Variants in RALYL observed in about 807,000 individuals in gnomAD.
RALYL encodes RALY RNA binding protein like.
RALYL carries 29 observed loss-of-function variants against 35.1 expected under a neutral mutation model. That is an observed-to-expected ratio of 0.83 (90% CI 0.61 to 1.13). RALYL has a LOEUF of 1.13. Ranked by LOEUF, RALYL falls within the 50% of genes most tolerant of loss-of-function variation. The pLI is 0.00. For synonymous variants in RALYL, 120 were observed against 127.6 expected (o/e 0.94, Z 0.40); for missense variants, 359 against 360.4 (o/e 1.00, Z 0.03).
intron 3 of RALYL, among the ~76,000 whole-genome samples, chr8:84,777,349 C>G (rs1395188492): frequency 6.6e-6 from 1 of 152,184 alleles, no homozygotes; most frequent in African/African-American, 2.4e-5. Flanking sequence ...AATACTATTA[C>G]TGTCCATGAA....
At chr8:84,903,615 C>T (rs866042101) in intron 8 of RALYL, among the ~76,000 whole-genome samples, 10 of 152,142 alleles carry the variant, frequency 6.6e-5, no homozygotes, top group African/African-American at 1.9e-4. Flanking sequence ...TAAGATGCTA[C>T]ATACTAATAT....
At chr8:84,903,310 T>A (rs7828485) in intron 8 of RALYL, among the ~76,000 whole-genome samples, 66,104 of 152,022 alleles carry the variant, frequency 0.43, 17,751 homozygotes, top group African/African-American at 0.74. Flanking sequence ...GATAAAACAG[T>A]TGATACATAA....
intron 4 of RALYL, among the ~76,000 whole-genome samples, chr8:84,845,346 T>C (rs1834410908): frequency 6.6e-6 from 1 of 152,128 alleles, no homozygotes; most frequent in South Asian, 2.1e-4. Context: ...CCTCTACATC[T>C]GTTGTTTTTT....
chr8:84,607,572 T>C (rs1817413277), intron 2 of RALYL, among the ~76,000 whole-genome samples: 1 of 152,118 alleles, frequency 6.6e-6, no homozygotes, highest in African/African-American at 2.4e-5. Flanking sequence ...GAATCCCCAA[T>C]CAGTGTCTTG....
chr8:84,415,160 G>GTTTTT (rs755615169), intron 1 of RALYL, among the ~76,000 whole-genome samples: 1 of 83,052 alleles, frequency 1.2e-5, no homozygotes, highest in Non-Finnish European at 2.4e-5. Context: ...TTCTGCCTCT[G>GTTTTT]TTTTTTTTTT....
At chr8:84,782,287 C>T (rs1375349536) in intron 3 of RALYL, among the ~76,000 whole-genome samples, 2 of 152,150 alleles carry the variant, frequency 1.3e-5, no homozygotes, top group South Asian at 2.1e-4. Context: ...TGGGCTGACC[C>T]CTTGCTTGGC....
intron 4 of RALYL, among the ~76,000 whole-genome samples, chr8:84,842,389 A>G (rs1342889941): frequency 6.6e-6 from 1 of 152,210 alleles, no homozygotes; most frequent in East Asian, 1.9e-4. Context: ...AAATTCCTCG[A>G]CACATACACC....
At chr8:84,832,897 A>T (rs534131313) in intron 4 of RALYL, among the ~76,000 whole-genome samples, 2 of 152,170 alleles carry the variant, frequency 1.3e-5, no homozygotes, top group Non-Finnish European at 2.9e-5. Context: ...TAGAAGCTCA[A>T]GGTATTGGTA....
At chr8:84,290,475 G>T (rs1422398221) in intron 1 of RALYL, among the ~76,000 whole-genome samples, 1 of 150,966 alleles carries the variant, frequency 6.6e-6, no homozygotes, top group Admixed American at 6.6e-5. Flanking sequence ...GTCAAAGGGG[G>T]TTTGTTCTCT....
chr8:84,788,846 A>C (rs780033732), intron 3 of RALYL, among the ~76,000 whole-genome samples: 3 of 152,212 alleles, frequency 2.0e-5, no homozygotes, highest in Non-Finnish European at 4.4e-5. Flanking sequence ...ATCTTCAAAA[A>C]GAAAAAAGTC....
intron 1 of RALYL, among the ~76,000 whole-genome samples, chr8:84,358,446 G>A (rs1292207447): frequency 1.3e-5 from 2 of 151,922 alleles, no homozygotes; most frequent in East Asian, 1.9e-4. Flanking sequence ...GGCCTACTAG[G>A]AATACATGAA....
intron 2 of RALYL, among the ~76,000 whole-genome samples, chr8:84,732,216 T>A (rs1026757502): frequency 1.6e-4 from 25 of 151,984 alleles, no homozygotes; most frequent in African/African-American, 5.8e-4. Context: ...GATATCACGA[T>A]TTTTTTGCTC....
chr8:84,606,688 T>C (rs942423692), intron 2 of RALYL, among the ~76,000 whole-genome samples: 2 of 152,176 alleles, frequency 1.3e-5, no homozygotes, highest in South Asian at 2.1e-4. Flanking sequence ...TCCAACCTGA[T>C]GTTGAATGGC....
intron 2 of RALYL, among the ~76,000 whole-genome samples, chr8:84,561,595 A>G (rs2061474721): frequency 6.6e-6 from 1 of 151,956 alleles, no homozygotes; most frequent in South Asian, 2.1e-4. Context: ...AAATAGAACA[A>G]TTATAACAAT....
intron 4 of RALYL, among the ~76,000 whole-genome samples, chr8:84,844,446 A>G (rs1426774651): frequency 1.3e-5 from 2 of 152,274 alleles, no homozygotes; most frequent in African/African-American, 2.4e-5. Flanking sequence ...TTAGAATGGC[A>G]ATCATTAAAA....
At chr8:84,611,823 T>C (rs1449068846) in intron 2 of RALYL, among the ~76,000 whole-genome samples, 1 of 152,098 alleles carries the variant, frequency 6.6e-6, no homozygotes, top group Non-Finnish European at 1.5e-5. Context: ...ATATTTGGGA[T>C]AGTTTAAAAG....
At chr8:84,308,510 C>T (rs1842227530) in intron 1 of RALYL, among the ~76,000 whole-genome samples, 1 of 152,088 alleles carries the variant, frequency 6.6e-6, no homozygotes, top group African/African-American at 2.4e-5. Flanking sequence ...CCACAGATAT[C>T]CAGTCATGCC....
chr8:84,749,847 TG>T (rs372936925), intron 2 of RALYL, among the ~76,000 whole-genome samples: 140 of 152,278 alleles, frequency 9.2e-4, no homozygotes, highest in African/African-American at 3.1e-3. Flanking sequence ...CAACATTCAT[TG>T]TAAGTCAGAA....
Position 84,478,922 on chromosome 8 carries a change from T to TAAAAAAAAAAAAAAAAAAA in RALYL, c.-23-50372_-23-50371insAAAAAAAAAAAAAAAAAAA, listed in dbSNP as rs1587656659. 2.1e-3 allele frequency among the ~76,000 whole-genome samples: 175 copies of TAAAAAAAAAAAAAAAAAAA among 85,128 alleles called. 14 individuals are homozygous for TAAAAAAAAAAAAAAAAAAA. Among genetic ancestry groups the TAAAAAAAAAAAAAAAAAAA allele is most frequent in the East Asian group, 5.5e-3 (13 of 2,346 alleles). 55.8% of individuals were successfully genotyped at this position (85,128 alleles called of 152,430 possible). On this transcript the variant is annotated intron_variant, in intron 1 of 8. Coordinates refer to ENST00000521268, the MANE Select transcript of RALYL (RefSeq NM_173848.7). ...TAACACCGTGAAACCCCGTCTCTAC[T>TAAAAAAAAAAAAAAAAAAA]AAAAATACAAAACATTAGCCGGGCA...
Sources: allele counts gnomAD v4.1 joint callset (sites outside exome capture counted in the v4.1 genomes callset), GRCh38; gene constraint gnomAD v4.1.1; transcripts MANE v1.5; gene names NCBI Gene and HGNC (gene_info 2026-07-23, HGNC 2026-07-21).